Variants in ZNF536 observed in about 807,000 individuals in gnomAD.
ZNF536 encodes zinc finger protein 536.
A neutral mutation model predicts 84.5 loss-of-function variants in ZNF536; 13 were observed. The ratio of observed to expected loss-of-function variants is 0.15; its 90% CI spans 0.10 to 0.24. ZNF536 has a LOEUF of 0.24. ZNF536 is among the 10% of genes least tolerant of loss of function. The probability of loss-of-function intolerance (pLI) is 1.00; values close to 1 mark genes in which losing one functional copy is unlikely to be tolerated. For synonymous variants in ZNF536, 811 were observed against 742.5 expected (o/e 1.09, Z -1.50); for missense variants, 1,536 against 1,747.5 (o/e 0.88, Z 2.16).
chr19:30,399,468 T>A (rs2049956788), intron 1 of ZNF536, among the ~76,000 whole-genome samples: 1 of 152,150 alleles, frequency 6.6e-6, no homozygotes, highest in Admixed American at 6.5e-5. Context: ...GCTTTTGGTA[T>A]TTTAGACATG....
chr19:30,355,206 G>A (rs1339201182), intron 3 of ZNF536, among the ~76,000 whole-genome samples: 1 of 152,074 alleles, frequency 6.6e-6, no homozygotes, highest in African/African-American at 2.4e-5. Context: ...TTTACTCACG[G>A]TGGAAGGTGA....
chr19:30,504,809 C>A (rs145876353), intron 2 of ZNF536, among the ~76,000 whole-genome samples: 265 of 152,096 alleles, frequency 1.7e-3, no homozygotes, highest in African/African-American at 6.2e-3. Context: ...AGCAAGGAAG[C>A]CTGAGACCTA....
intron 3 of ZNF536, among the ~76,000 whole-genome samples, chr19:30,367,216 G>C (rs1436482144): frequency 6.6e-6 from 1 of 152,194 alleles, no homozygotes; most frequent in Non-Finnish European, 1.5e-5. Flanking sequence ...GACGTTCCGT[G>C]CTGTTCCCTT....
At chr19:30,501,773 T>G (rs2054958925) in intron 2 of ZNF536, among the ~76,000 whole-genome samples, 1 of 152,238 alleles carries the variant, frequency 6.6e-6, no homozygotes, top group Non-Finnish European at 1.5e-5. Context: ...ACATCCTATT[T>G]GATCTCAGGT....
chr19:30,299,661 A>T (rs2046115784), intron 2 of ZNF536, among the ~76,000 whole-genome samples: 1 of 152,198 alleles, frequency 6.6e-6, no homozygotes, highest in Admixed American at 6.5e-5. Context: ...TCCAATTTAG[A>T]ACAATGCATT....
At chr19:30,323,170 G>C (rs973740034) in intron 2 of ZNF536, among the ~76,000 whole-genome samples, 2 of 152,194 alleles carry the variant, frequency 1.3e-5, no homozygotes, top group Non-Finnish European at 2.9e-5. Flanking sequence ...CCTGGGCTGG[G>C]CTTTGCTGGT....
chr19:30,706,693 A>C (rs1269223838), intron 1 of ZNF536, among the ~76,000 whole-genome samples: 1 of 152,062 alleles, frequency 6.6e-6, no homozygotes, highest in Non-Finnish European at 1.5e-5. Context: ...TTTACTTACT[A>C]TTTGGAGTTC....
At chr19:30,536,474 A>G (rs1156254396) in intron 3 of ZNF536, among the ~76,000 whole-genome samples, 2 of 151,340 alleles carry the variant, frequency 1.3e-5, no homozygotes, top group Non-Finnish European at 2.9e-5. Flanking sequence ...GTCTCCCACC[A>G]AACAGAGTCT....
At chr19:30,281,832 C>T (rs2045456547) in intron 1 of ZNF536, among the ~76,000 whole-genome samples, 1 of 152,192 alleles carries the variant, frequency 6.6e-6, no homozygotes, top group African/African-American at 2.4e-5. Context: ...CCTTCCCACC[C>T]CTACTCTGAG....
At chr19:30,650,913 T>A (rs1773939433) in intron 1 of ZNF536, among the ~76,000 whole-genome samples, 2 of 152,184 alleles carry the variant, frequency 1.3e-5, no homozygotes, top group South Asian at 4.1e-4. Flanking sequence ...TGGAAGCATA[T>A]AAATAGCATT....
At chr19:30,338,756 G>T (rs1363816198) in intron 2 of ZNF536, among the ~76,000 whole-genome samples, 1 of 152,156 alleles carries the variant, frequency 6.6e-6, no homozygotes, top group Admixed American at 6.5e-5. Flanking sequence ...CTGGCATATG[G>T]TAAGCATGAT....
At chr19:30,558,367 C>A (rs1422789827), downstream of ZNF536, among the ~76,000 whole-genome samples, 1 of 152,180 alleles carries the variant, frequency 6.6e-6, no homozygotes, top group East Asian at 1.9e-4. Context: ...CTAGACCCCA[C>A]AACCGCCCAG....
intron 1 of ZNF536, among the ~76,000 whole-genome samples, chr19:30,588,264 C>A (rs192591269): frequency 6.6e-6 from 1 of 152,202 alleles, no homozygotes. Context: ...AGCATCACCA[C>A]GGCAGTGGCA....
At chr19:30,275,505 G>C (rs778556784) in intron 1 of ZNF536, among the ~76,000 whole-genome samples, 5 of 152,132 alleles carry the variant, frequency 3.3e-5, no homozygotes, top group Non-Finnish European at 7.3e-5. Context: ...GAGGCTCTCC[G>C]AGGCTGTAGG....
intron 2 of ZNF536, among the ~76,000 whole-genome samples, chr19:30,534,280 C>T (rs1037846175): frequency 1.3e-5 from 2 of 152,186 alleles, no homozygotes; most frequent in Non-Finnish European, 2.9e-5. Context: ...TTTTTCTTCT[C>T]CCTTTCATGA....
chr19:30,658,019 C>G (rs1051808696), intron 1 of ZNF536, among the ~76,000 whole-genome samples: 1 of 10,050 alleles, frequency 1.0e-4, no homozygotes, highest in African/African-American at 9.7e-4. Flanking sequence ...GCTTTCCATT[C>G]CCCCCCCCCT....
At chr19:30,367,437 G>C (rs1488551901), upstream of ZNF536, among the ~76,000 whole-genome samples, 1 of 152,210 alleles carries the variant, frequency 6.6e-6, no homozygotes, top group East Asian at 1.9e-4. Flanking sequence ...CACCATTGAG[G>C]TGGATGGACT....
intron 3 of ZNF536, among the ~76,000 whole-genome samples, chr19:30,363,177 G>A (rs147127257): frequency 6.0e-4 from 91 of 152,286 alleles, no homozygotes; most frequent in Middle Eastern, 3.4e-3. Context: ...GGAACTCTAG[G>A]CTGACAAAAG....
chr19:30,334,432 G>A (rs778391074), intron 2 of ZNF536, among the ~76,000 whole-genome samples: 1 of 152,178 alleles, frequency 6.6e-6, no homozygotes, highest in African/African-American at 2.4e-5. Context: ...CTGCTTCTCA[G>A]ACAAGGAGAG....
Sources: allele counts gnomAD v4.1 joint callset (sites outside exome capture counted in the v4.1 genomes callset), GRCh38; gene constraint gnomAD v4.1.1; transcripts MANE v1.5; gene names NCBI Gene and HGNC (gene_info 2026-07-23, HGNC 2026-07-21).